The following FNBP1 variants were observed in gnomAD, a reference collection of about 807,000 sequenced individuals.
FNBP1 encodes the protein formin-binding protein 1.
FNBP1 carries 26 observed loss-of-function variants against 90.6 expected under a neutral mutation model. The ratio of observed to expected loss-of-function variants is 0.29; its 90% CI spans 0.21 to 0.40. The LOEUF (loss-of-function observed/expected upper bound fraction) is 0.40, where lower values mean the gene tolerates loss of function less well. Among genes scored for constraint, FNBP1 ranks in the 10% least tolerant of loss-of-function variants. The pLI is 1.00. For synonymous variants in FNBP1, 260 were observed against 265.2 expected (o/e 0.98, Z 0.19); for missense variants, 635 against 768.0 (o/e 0.83, Z 2.05).
chr9:130,002,051 G>A (rs944905087), intron 1 of FNBP1, among the ~76,000 whole-genome samples: 12 of 144,538 alleles, frequency 8.3e-5, no homozygotes, highest in African/African-American at 2.6e-4. Flanking sequence ...AAAAAAAGCC[G>A]GGCATGGAGA....
intron 1 of FNBP1, among the ~76,000 whole-genome samples, chr9:130,017,009 G>A (rs2057306093): frequency 6.6e-6 from 1 of 152,116 alleles, no homozygotes; most frequent in Non-Finnish European, 1.5e-5. Context: ...ACTTTGGTAG[G>A]CTGAGGTGGG....
At chr9:129,944,229 G>A (rs2044824427) in intron 6 of FNBP1, among the ~76,000 whole-genome samples, 1 of 151,774 alleles carries the variant, frequency 6.6e-6, no homozygotes, top group South Asian at 2.1e-4. Flanking sequence ...TGAATGTCTA[G>A]ATGCCCAGAA....
At chr9:129,934,763 C>T (rs557382484) in intron 6 of FNBP1, among the ~76,000 whole-genome samples, 67 of 151,888 alleles carry the variant, frequency 4.4e-4, no homozygotes, top group African/African-American at 1.6e-3. Flanking sequence ...GTAGAGACAG[C>T]GTTTCACCAT....
Position 129,923,978 on chromosome 9 carries a change from CAGGAGG to C in FNBP1, c.1030_1035del (p.Pro344_Pro345del). On this transcript the variant is annotated inframe_deletion, in exon 10 of 17. Coordinates refer to ENST00000446176, the MANE Select transcript of FNBP1 (RefSeq NM_015033.3). ...GGAACAGCAGAGGGTGAGGCAGAGGCAGGAGGGGGAGGGGGAGGCTGATGGGGGGAT... is the reference window on the plus strand; with the variant it reads ...GGAACAGCAGAGGGTGAGGCAGAGGCGGGAGGGGGAGGCTGATGGGGGGAT... 1 of 1,437,260 alleles carries C rather than the reference CAGGAGG, an allele frequency of 7.0e-7. No individual in the cohort carries two copies. Among genetic ancestry groups the C allele is most frequent in the Non-Finnish European group, 9.1e-7 (1 of 1,101,580 alleles). 89.0% of individuals were successfully genotyped at this position (1,437,260 alleles called of 1,614,324 possible). A position where few individuals can be genotyped will look rare whatever the true frequency, so the allele number is the denominator to read the frequency against.
chr9:130,053,829 C>A, the FNBP1 span: 6 of 1,118,916 alleles, frequency 5.4e-6, no homozygotes, highest in African/African-American at 9.4e-5. Context: ...ACAGGGTCAG[C>A]GGAGCTAGCC....
Position 130,042,217 on chromosome 9 carries a change from A to T in FNBP1, c.24+735T>A, listed in dbSNP as rs677813. On this transcript the variant is annotated intron_variant, in intron 1 of 16. Transcript: ENST00000446176. The surrounding 1 kb of genome is among the most constrained non-coding windows in gnomAD (Gnocchi z 5.5). ...CCGCCAACTTTCCCCACTGGAAACT[A>T]TTCTCCGAGCAACCGTTAAAGATCA... 1.3e-5 allele frequency among the ~76,000 whole-genome samples: 2 copies of T among 152,024 alleles called. No individual in the cohort carries two copies.
chr9:130,009,401 C>T (rs1172118522), intron 1 of FNBP1, among the ~76,000 whole-genome samples: 2 of 152,118 alleles, frequency 1.3e-5, no homozygotes, highest in East Asian at 1.9e-4. Context: ...GTGGCTCACG[C>T]CTATAATCCT....
At position 129,906,587 on chromosome 9, in the gene FNBP1, T is replaced by A. The variant is rs530204897; in HGVS notation, c.1295+2303A>T. 3.9e-4 allele frequency among the ~76,000 whole-genome samples: 59 copies of A among 152,230 alleles called. 1 individual carries two copies. Among genetic ancestry groups the A allele is most frequent in the Admixed American group, 7.9e-4 (12 of 15,272 alleles). On this transcript the variant is annotated intron_variant, in intron 12 of 16. Transcript: ENST00000446176. ...GCTCCTCCTTTGCCTTCCGCCATGATTGTGAGGCCTCCCTATCCATGTGGA... is the reference window on the plus strand; with the variant it reads ...GCTCCTCCTTTGCCTTCCGCCATGAATGTGAGGCCTCCCTATCCATGTGGA...
intron 4 of FNBP1, among the ~76,000 whole-genome samples, chr9:129,975,716 A>C (rs1478516005): frequency 6.6e-6 from 1 of 152,116 alleles, no homozygotes; most frequent in Non-Finnish European, 1.5e-5. Flanking sequence ...AGCCTGGCCA[A>C]CATGGTGAAA....
At chr9:130,022,476 G>T (rs934259682) in intron 1 of FNBP1, among the ~76,000 whole-genome samples, 1 of 152,224 alleles carries the variant, frequency 6.6e-6, no homozygotes, top group Admixed American at 6.5e-5. Flanking sequence ...CGAAGTGCTG[G>T]GATTACAGGG....
At chr9:129,987,391 AC>A (rs1348690275) in intron 2 of FNBP1, among the ~76,000 whole-genome samples, 2 of 152,058 alleles carry the variant, frequency 1.3e-5, no homozygotes, top group African/African-American at 4.8e-5. Context: ...ATATAACTCA[AC>A]TAGAAGAAGG....
At position 129,957,496 on chromosome 9, in the gene FNBP1, TAAGAG is replaced by T. The variant is rs767183849; in HGVS notation, c.409-37_409-33del. ...TCAGAGGAAAATAATTATGAAACCA[TAAGAG>T]TCCTACGAGAAGATGTAATTTTATC... On this transcript the variant is annotated intron_variant, in intron 5 of 16. Transcript: ENST00000446176. This position sits in a 1 kb window ranked among gnomAD's most constrained non-coding sequence, Gnocchi z 4.3. 19 of 1,453,482 alleles carry T rather than the reference TAAGAG, an allele frequency of 1.3e-5. No homozygotes were observed. In the Admixed American group the frequency reaches 2.3e-4, roughly 17 times the overall value. The allele number at this position is 1,453,482 out of a possible 1,614,324, so 90.0% of individuals were successfully genotyped here.
chr9:129,935,788 T>C (rs771468019), intron 6 of FNBP1, among the ~76,000 whole-genome samples: 8 of 152,116 alleles, frequency 5.3e-5, no homozygotes, highest in Non-Finnish European at 1.0e-4. Flanking sequence ...CGCCCAGCCC[T>C]CTTGCATCAT....
At chr9:130,026,375 TCCCAGCTA>T (rs2058341102) in intron 1 of FNBP1, among the ~76,000 whole-genome samples, 2 of 152,026 alleles carry the variant, frequency 1.3e-5, no homozygotes, top group East Asian at 3.9e-4. Context: ...GCGCCTATAG[TCCCAGCTA>T]CCTGGGAGGC....
chr9:129,937,291 A>AT (rs1286310197), intron 6 of FNBP1, among the ~76,000 whole-genome samples: 3 of 152,240 alleles, frequency 2.0e-5, no homozygotes, highest in Non-Finnish European at 4.4e-5. Context: ...AGTGCTGTTT[A>AT]TAATAGCCAA....
At chr9:129,996,046 G>C (rs796071875) in intron 1 of FNBP1, among the ~76,000 whole-genome samples, 7 of 152,290 alleles carry the variant, frequency 4.6e-5, no homozygotes, top group African/African-American at 1.7e-4. Flanking sequence ...AGGGTATGAG[G>C]GGGAGGGAGG....
intron 16 of FNBP1, among the ~76,000 whole-genome samples, chr9:129,893,654 T>C (rs1476385662): frequency 4.4e-5 from 5 of 112,898 alleles, no homozygotes; most frequent in Non-Finnish European, 8.6e-5. Context: ...CACGGGCTCA[T>C]GCCTGTAATC....
rs2034817419 is a variant in FNBP1, at chr9:129,887,405, G to A, written c.*3134C>T. 5.0e-6 allele frequency: 1 copy of A among 199,534 alleles called. No homozygotes were observed. 12.4% of individuals were successfully genotyped at this position (199,534 alleles called of 1,614,324 possible). On this transcript the variant is annotated 3_prime_UTR_variant, in exon 17 of 17. Transcript: ENST00000446176. Reference sequence around the variant, plus strand: ...AACATTTTAAAGGTGCTCAACATCAGGTTAAAATAGAATTCTGGACCTTTT... The same window carrying A: ...AACATTTTAAAGGTGCTCAACATCAAGTTAAAATAGAATTCTGGACCTTTT...
At chr9:129,993,445 C>G (rs1019647427) in intron 2 of FNBP1, among the ~76,000 whole-genome samples, 5 of 145,524 alleles carry the variant, frequency 3.4e-5, no homozygotes, top group African/African-American at 1.3e-4. Context: ...TGGATAATCT[C>G]ATCATTAAAA....
Sources: allele counts gnomAD v4.1 joint callset (sites outside exome capture counted in the v4.1 genomes callset), GRCh38; gene constraint gnomAD v4.1.1; non-coding constraint Gnocchi (gnomAD v3.1); transcripts MANE v1.5; gene names NCBI Gene and HGNC (gene_info 2026-07-23, HGNC 2026-07-21).